The following KIF21A variants were observed in gnomAD, a reference collection of about 807,000 sequenced individuals.
The protein encoded by KIF21A is kinesin family member 21A.
KIF21A carries 114 observed loss-of-function variants against 202.9 expected under a neutral mutation model. That is an observed-to-expected ratio of 0.56 (90% CI 0.48 to 0.66). KIF21A has a LOEUF of 0.66. KIF21A is among the 30% of genes least tolerant of loss of function. The probability of loss-of-function intolerance (pLI) is 0.00; values close to 1 mark genes in which losing one functional copy is unlikely to be tolerated. For synonymous variants in KIF21A, 667 were observed against 670.8 expected (o/e 0.99, Z 0.09); for missense variants, 1,677 against 1,994.9 (o/e 0.84, Z 3.04).
chr12:39,327,710 T>A (rs1299684685), intron 24 of KIF21A, among the ~76,000 whole-genome samples: 2 of 152,194 alleles, frequency 1.3e-5, no homozygotes, highest in Non-Finnish European at 2.9e-5. Flanking sequence ...ACTCAGATGG[T>A]CACCAACTCA....
chr12:39,328,109 T>G (rs1016870037), intron 24 of KIF21A, among the ~76,000 whole-genome samples: 1 of 152,120 alleles, frequency 6.6e-6, no homozygotes, highest in Non-Finnish European at 1.5e-5. Context: ...AAACTGGACT[T>G]TGGCTGACAT....
intron 1 of KIF21A, among the ~76,000 whole-genome samples, chr12:39,395,246 C>T (rs1418413288): frequency 6.6e-6 from 1 of 152,102 alleles, no homozygotes; most frequent in African/African-American, 2.4e-5. Context: ...CTCTTAGTAG[C>T]TCCCCATTAC....
chr12:39,363,530 A>G (rs1294715648), intron 6 of KIF21A, among the ~76,000 whole-genome samples: 1 of 152,200 alleles, frequency 6.6e-6, no homozygotes, highest in Non-Finnish European at 1.5e-5. Context: ...AAAATTGTCC[A>G]TTCATGTTAC....
chr12:39,410,810 AC>A (rs887626133), intron 1 of KIF21A, among the ~76,000 whole-genome samples: 3 of 152,200 alleles, frequency 2.0e-5, no homozygotes, highest in African/African-American at 4.8e-5. Flanking sequence ...AAAAACAACA[AC>A]AAAAAACCTC....
At chr12:39,365,288 A>C (rs12424375) in intron 6 of KIF21A, among the ~76,000 whole-genome samples, 1 of 152,082 alleles carries the variant, frequency 6.6e-6, no homozygotes, top group Admixed American at 6.6e-5. Context: ...CTTTTTCTCT[A>C]TTGCAATTCC....
In KIF21A at chr12:39,340,329, T is replaced by G. The variant is rs1467092894; in HGVS notation, c.2146A>C (p.Lys716Gln). The G allele has an allele frequency of 6.2e-7, 1 of 1,610,778 alleles. No homozygotes were observed. Among genetic ancestry groups the G allele is most frequent in the Non-Finnish European group, 8.5e-7 (1 of 1,178,328 alleles). The change falls in exon 16 of 38, where the codon AAA becomes CAA. Residue 716 changes from lysine to glutamine, a missense_variant. Physicochemically the swap from Lys to Gln is moderately conservative, Grantham distance 53 (BLOSUM62 1). Coordinates refer to ENST00000361418, the MANE Select transcript of KIF21A (RefSeq NM_001173464.2). ...VESYSEEKAK[K>Q]VRSEYEKKLQ... is the part of the protein sequence containing the mutation. ...TTCTTTTCATATTCAGACCTAACTT[T>G]TTTTGCTTTTTCTTCTGAGTAAGAT...
At chr12:39,308,231 T>C (rs1317720300) in intron 33 of KIF21A, among the ~76,000 whole-genome samples, 1 of 151,304 alleles carries the variant, frequency 6.6e-6, no homozygotes, top group Non-Finnish European at 1.5e-5. Flanking sequence ...CTACTAAAAA[T>C]ACAAAAATTA....
At chr12:39,435,981 A>G (rs1257166893) in intron 1 of KIF21A, among the ~76,000 whole-genome samples, 1 of 152,092 alleles carries the variant, frequency 6.6e-6, no homozygotes, top group Non-Finnish European at 1.5e-5. Flanking sequence ...TATACCAGAA[A>G]CCTCAAAATT....
In KIF21A at chr12:39,330,755, C is replaced by T; in HGVS notation, c.3310G>A (p.Ala1104Thr). Residue 1104 changes from alanine (A) to threonine (T), a missense_variant, in exon 23 of 38, where the codon GCT (alanine) becomes ACT (threonine). Coordinates refer to ENST00000361418, the MANE Select transcript of KIF21A (RefSeq NM_001173464.2). ...NPELDALLGH[A>T]LQDLDSVPLE... ...ATTGAGAGCAAATTACCTTGTAAAG[C>T]ATGGCCTAGTAAAGCATCTAGCTCA... is the stretch of plus-strand genomic sequence containing the variant. 6.2e-7 allele frequency: 1 copy of T among 1,613,954 alleles called. No individual in the cohort carries two copies. The highest frequency in any genetic ancestry group is 8.5e-7 in the Non-Finnish European group (1 of 1,179,840).
At chr12:39,382,509 TA>T (rs373401262) in intron 1 of KIF21A, among the ~76,000 whole-genome samples, 90 of 152,312 alleles carry the variant, frequency 5.9e-4, no homozygotes, top group African/African-American at 1.9e-3. Flanking sequence ...ATATGTGTCT[TA>T]ATTTCTCCGG....
chr12:39,379,470 G>A (rs1321657956), intron 1 of KIF21A, among the ~76,000 whole-genome samples: 4 of 151,942 alleles, frequency 2.6e-5, no homozygotes, highest in African/African-American at 9.7e-5. Context: ...GCTACCAAAA[G>A]GCTCACAAAA....
intron 26 of KIF21A, among the ~76,000 whole-genome samples, chr12:39,323,466 C>T (rs1409701360): frequency 6.6e-6 from 1 of 152,140 alleles, no homozygotes; most frequent in African/African-American, 2.4e-5. Flanking sequence ...AAGCCTCTTC[C>T]CATGATGCCT....
chr12:39,356,097 G>A (rs1948757425), intron 10 of KIF21A, among the ~76,000 whole-genome samples: 1 of 152,192 alleles, frequency 6.6e-6, no homozygotes, highest in Non-Finnish European at 1.5e-5. Context: ...GAAAAAAATA[G>A]CTCAGTCATC....
chr12:39,442,875 G>A lies in KIF21A; in HGVS notation c.44+52C>T. On this transcript the variant is annotated intron_variant, in intron 1 of 37. Coordinates refer to ENST00000361418, the MANE Select transcript of KIF21A (RefSeq NM_001173464.2). The surrounding 1 kb of genome is among the most constrained non-coding windows in gnomAD (Gnocchi z 5.0). ...TGCTCCGCGCCACAGCCAGGTCCTT[G>A]CCGCGCCCTCAACCCGCCGCCCGCC... 3 of 1,520,260 alleles carry A rather than the reference G, an allele frequency of 2.0e-6. No homozygotes were observed. The highest frequency in any genetic ancestry group is 2.6e-6 in the Non-Finnish European group (3 of 1,139,648). The allele number at this position is 1,520,260 out of a possible 1,614,324, so 94.2% of individuals were successfully genotyped here.
intron 12 of KIF21A, among the ~76,000 whole-genome samples, chr12:39,343,394 A>T (rs1201255556): frequency 6.6e-6 from 1 of 151,964 alleles, no homozygotes; most frequent in Non-Finnish European, 1.5e-5. Flanking sequence ...CAATAAATTT[A>T]AAAAATAAAT....
intron 34 of KIF21A, among the ~76,000 whole-genome samples, chr12:39,305,166 G>C (rs764262161): frequency 6.6e-6 from 1 of 151,792 alleles, no homozygotes; most frequent in Non-Finnish European, 1.5e-5. Flanking sequence ...AGGAGTTTGA[G>C]ACCAGCCTGG....
In KIF21A at chr12:39,341,575, C is replaced by T. The variant is rs147473938; in HGVS notation, c.1851G>A (p.Glu617=). 1.4e-4 allele frequency: 230 copies of T among 1,610,450 alleles called. No homozygotes were observed. The highest frequency in any genetic ancestry group is 1.9e-4 in the Non-Finnish European group (218 of 1,177,456). Residue 617 remains glutamate, a synonymous_variant, in exon 14 of 38, where the codon GAG becomes GAA. Transcript: ENST00000361418. ...VSDHEDEEEE[E]EEEEDDIDGG... The stretch of plus-strand genomic sequence containing the variant: ...CATCAATGTCATCTTCCTCCTCCTC[C>T]TCCTCCTCTTCTTCATCCTCATGAT...
intron 6 of KIF21A, among the ~76,000 whole-genome samples, chr12:39,365,147 C>T (rs1466721853): frequency 3.3e-5 from 5 of 151,796 alleles, no homozygotes; most frequent in Non-Finnish European, 5.9e-5. Flanking sequence ...ATTTAACCTC[C>T]ACTCCCCACT....
At chr12:39,327,338 C>T (rs1218205542) in intron 24 of KIF21A, among the ~76,000 whole-genome samples, 1 of 151,990 alleles carries the variant, frequency 6.6e-6, no homozygotes, top group Non-Finnish European at 1.5e-5. Flanking sequence ...AGGACTCACT[C>T]AAAGGGGTTT....
Sources: gnomAD v4.1 joint callset for allele counts (sites outside exome capture counted in the v4.1 genomes callset) on GRCh38, gnomAD v4.1.1 for gene constraint, Gnocchi (gnomAD v3.1) non-coding constraint, MANE v1.5 for transcripts, NCBI Gene and HGNC (gene_info 2026-07-23, HGNC 2026-07-21) for gene names.